CELSR1: variants seen among roughly 807,000 people sequenced by gnomAD.
The protein encoded by CELSR1 is cadherin EGF LAG seven-pass G-type receptor 1.
CELSR1 carries 110 observed loss-of-function variants against 249.1 expected under a neutral mutation model. The observed-to-expected ratio is 0.44, with a 90% CI of 0.38 to 0.52. The LOEUF (loss-of-function observed/expected upper bound fraction) is 0.52. CELSR1 is among the 20% of genes least tolerant of loss of function. The probability of loss-of-function intolerance (pLI) is 0.00; values close to 1 mark genes in which losing one functional copy is unlikely to be tolerated. For synonymous variants in CELSR1, 2,113 were observed against 1,900.0 expected (o/e 1.11, Z -2.92); for missense variants, 4,109 against 4,296.4 (o/e 0.96, Z 1.22).
At position 46,394,250 on chromosome 22, in the gene CELSR1, C is replaced by T. The variant is rs202047687; in HGVS notation, c.5856G>A (p.Pro1952=). Residue 1952 remains proline (P), a synonymous_variant, in exon 14 of 35, where the codon CCG becomes CCA. Transcript: ENST00000674500. ...GPYCENKLDL[P]CPRGWWGNPV... ...GGTTCCCCCACCAGCCTCTGGGGCACGGAAGGTCGAGTCTGTGGGGAAAAT... is the reference window on the plus strand; with the variant it reads ...GGTTCCCCCACCAGCCTCTGGGGCATGGAAGGTCGAGTCTGTGGGGAAAAT... 42 of 1,613,154 alleles carry T rather than the reference C, an allele frequency of 2.6e-5. No individual in the cohort carries two copies. The highest frequency in any genetic ancestry group is 1.2e-4 in the South Asian group (11 of 91,016).
chr22:46,436,369 G>A lies in CELSR1; in HGVS notation c.4407-80C>T. ...TGCCTAGGAATGACAAGTCCAGCCG[G>A]AGGAGGGCAAGCACGTGGGGCTACG... On this transcript the variant is annotated intron_variant, in intron 3 of 34. Transcript: ENST00000674500. This position sits in a 1 kb window ranked among gnomAD's most constrained non-coding sequence, Gnocchi z 5.9. 9.6e-7 allele frequency: 1 copy of A among 1,039,298 alleles called. No homozygotes were observed. The highest frequency in any genetic ancestry group is 1.5e-6 in the Non-Finnish European group (1 of 677,642). The allele number at this position is 1,039,298 out of a possible 1,614,324, so 64.4% of individuals were successfully genotyped here. A position where few individuals can be genotyped will look rare whatever the true frequency, so the allele number is the denominator to read the frequency against.
At chr22:46,425,413 G>C (rs538953069) in intron 5 of CELSR1, among the ~76,000 whole-genome samples, 1 of 152,164 alleles carries the variant, frequency 6.6e-6, no homozygotes, top group African/African-American at 2.4e-5. Flanking sequence ...ATCTGGGCCC[G>C]GAGATTTCCT....
chr22:46,377,308 C>T (rs967769484), intron 23 of CELSR1, 47 bp from the exon 24 acceptor site: 5 of 1,579,900 alleles, frequency 3.2e-6, no homozygotes, highest in Non-Finnish European at 4.3e-6. Context: ...AGGGCCGAGG[C>T]TCAGATCTGG....
Position 46,363,030 on chromosome 22 carries a change from C to G in CELSR1, c.*193G>C. On this transcript the variant is annotated 3_prime_UTR_variant, in exon 35 of 35. Coordinates refer to ENST00000674500, the MANE Select transcript of CELSR1 (RefSeq NM_001378328.1). The surrounding 1 kb of genome is among the most constrained non-coding windows in gnomAD (Gnocchi z 4.3). The stretch of plus-strand genomic sequence containing the variant: ...ACAGGCCCTGAGCTCCTGGGAGAAC[C>G]AAGACCTTTGTGTCTGGATGATCAG... 8.2e-7 allele frequency: 1 copy of G among 1,222,598 alleles called. No homozygotes were observed. Among genetic ancestry groups the G allele is most frequent in the South Asian group, 1.3e-5 (1 of 76,068 alleles). The allele number at this position is 1,222,598 out of a possible 1,614,324, so 75.7% of individuals were successfully genotyped here. A position where few individuals can be genotyped will look rare whatever the true frequency, so the allele number is the denominator to read the frequency against.
chr22:46,450,012 C>T (rs956169542), intron 2 of CELSR1, among the ~76,000 whole-genome samples: 9 of 146,568 alleles, frequency 6.1e-5, no homozygotes, highest in African/African-American at 2.1e-4. Flanking sequence ...GGGTTCCCAC[C>T]GCAGGGCAGT....
In CELSR1 at chr22:46,486,257, C is replaced by T. The variant is rs148858749; in HGVS notation, c.3545-21912G>A. Among the ~76,000 whole-genome samples, 125 of 150,592 alleles carry T rather than the reference C, an allele frequency of 8.3e-4. 6 individuals are homozygous for T. In the East Asian group the frequency reaches 0.022, roughly 26 times the overall value. ...CCCGGCCTCAGGTACTTTTTAAAGT[C>T]ATGCATCAAGGCCGGGCACGCTGGC... is the stretch of plus-strand genomic sequence containing the variant. On this transcript the variant is annotated intron_variant, in intron 1 of 34. Coordinates refer to ENST00000674500, the MANE Select transcript of CELSR1 (RefSeq NM_001378328.1).
rs1569118139 is a variant in CELSR1 at position 46,380,845 on chromosome 22, A to T, written c.7199T>A (p.Leu2400Gln). The change falls in exon 22 of 35, where the codon CTG becomes CAG. Residue 2400 changes from leucine to glutamine, a missense_variant. Physicochemically the swap from Leu to Gln is moderately radical, Grantham distance 113. Transcript: ENST00000674500. The surrounding 1 kb of genome is among the most constrained non-coding windows in gnomAD (Gnocchi z 5.1). Reference sequence around the variant, plus strand: ...CTTGGTTCGCTCCTCCACCTCCAGCAGGGCGAACTCCACCAGGACGGGCCT... The same window carrying T: ...CTTGGTTCGCTCCTCCACCTCCAGCTGGGCGAACTCCACCAGGACGGGCCT... ...LERPVLVEFA[L>Q]LEVEERTKPV... The T allele has an allele frequency of 6.2e-7, 1 of 1,612,240 alleles. No homozygotes were observed. Among genetic ancestry groups the T allele is most frequent in the Admixed American group, 1.7e-5 (1 of 60,012 alleles).
At chr22:46,419,942 C>T (rs1361419045) in intron 5 of CELSR1, among the ~76,000 whole-genome samples, 2 of 152,164 alleles carry the variant, frequency 1.3e-5, no homozygotes, top group South Asian at 2.1e-4. Flanking sequence ...TACCCAAACT[C>T]ATGCACACTC....
intron 2 of CELSR1, among the ~76,000 whole-genome samples, chr22:46,457,348 G>A (rs905306042): frequency 2.6e-5 from 4 of 151,964 alleles, no homozygotes; most frequent in Non-Finnish European, 4.4e-5. Context: ...CATCTCGGGG[G>A]CGGGGAAAAA....
intron 23 of CELSR1, among the ~76,000 whole-genome samples, chr22:46,377,848 C>T (rs1309610636): frequency 6.6e-6 from 1 of 152,238 alleles, no homozygotes. Flanking sequence ...TGACAGAAAC[C>T]AGGGCCACTT....
chr22:46,379,349 A>G (rs1304329056), intron 22 of CELSR1, among the ~76,000 whole-genome samples: 1 of 151,784 alleles, frequency 6.6e-6, no homozygotes, highest in South Asian at 2.1e-4. Context: ...ACTCTGGGAA[A>G]AATCACATAA....
intron 1 of CELSR1, among the ~76,000 whole-genome samples, chr22:46,509,216 A>G (rs1330142235): frequency 6.6e-6 from 1 of 152,166 alleles, no homozygotes; most frequent in Non-Finnish European, 1.5e-5. Flanking sequence ...CAGGCACCAC[A>G]GGGTCTGGAC....
At chr22:46,456,431 G>A (rs6008838) in intron 2 of CELSR1, among the ~76,000 whole-genome samples, 4,103 of 152,148 alleles carry the variant, frequency 0.027, 183 homozygotes, top group African/African-American at 0.093. Context: ...AGGCCAAGGC[G>A]GGCAGATCAC....
intron 2 of CELSR1, among the ~76,000 whole-genome samples, chr22:46,453,145 C>T (rs1450367289): frequency 6.6e-6 from 1 of 152,210 alleles, no homozygotes; most frequent in Non-Finnish European, 1.5e-5. Flanking sequence ...GGCCATGCTC[C>T]TGCTAGACAT....
intron 5 of CELSR1, among the ~76,000 whole-genome samples, chr22:46,431,851 G>C (rs1210614080): frequency 1.3e-5 from 2 of 152,184 alleles, no homozygotes; most frequent in Non-Finnish European, 2.9e-5. Flanking sequence ...GCTCAGCCCT[G>C]AGCCCCTCAC....
intron 1 of CELSR1, among the ~76,000 whole-genome samples, chr22:46,477,286 C>G (rs2080218741): frequency 6.6e-6 from 1 of 152,106 alleles, no homozygotes; most frequent in Non-Finnish European, 1.5e-5. Flanking sequence ...AGTGAAGGCA[C>G]CAGCCGGGAC....
In CELSR1 at chr22:46,534,677, C is replaced by T. The variant is rs767657580; in HGVS notation, c.2494G>A (p.Val832Met). The change falls in exon 1 of 35, where the codon GTG (valine) becomes ATG (methionine). Residue 832 changes from valine to methionine, a missense_variant. Coordinates refer to ENST00000674500, the MANE Select transcript of CELSR1 (RefSeq NM_001378328.1). The surrounding 1 kb of genome is among the most constrained non-coding windows in gnomAD (Gnocchi z 9.7). ...TCGGGGTCAATGCGGAACTGCGGCA[C>T]GGGGTCCTGAATCACGTAGGTGATG... ...ARITYVIQDP[V>M]PQFRIDPDSG... is the part of the protein sequence containing the mutation. The T allele has an allele frequency of 1.1e-5, 18 of 1,613,550 alleles. No homozygotes were observed. The highest frequency in any genetic ancestry group is 3.3e-5 in the South Asian group (3 of 91,088).
chr22:46,384,109 AT>A (rs570602204), intron 20 of CELSR1, among the ~76,000 whole-genome samples: 2 of 151,502 alleles, frequency 1.3e-5, no homozygotes, highest in Non-Finnish European at 2.9e-5. Flanking sequence ...TATTTTTTGT[AT>A]TTTTTAGTAG....
intron 1 of CELSR1, among the ~76,000 whole-genome samples, chr22:46,499,645 G>A (rs796802343): frequency 3.9e-5 from 6 of 152,300 alleles, no homozygotes; most frequent in African/African-American, 1.4e-4. Context: ...AGCAAGAAAT[G>A]TAACATGACC....
Sources: gnomAD v4.1 joint callset for allele counts (sites outside exome capture counted in the v4.1 genomes callset) on GRCh38, gnomAD v4.1.1 for gene constraint, Gnocchi (gnomAD v3.1) non-coding constraint, MANE v1.5 for transcripts, NCBI Gene and HGNC (gene_info 2026-07-23, HGNC 2026-07-21) for gene names.